The following MIOS variants were observed in gnomAD, a reference collection of about 807,000 sequenced individuals.
The protein encoded by MIOS is meiosis regulator for oocyte development.
Under a neutral mutation model 96.9 loss-of-function variants are expected in MIOS, and 52 were observed. The observed-to-expected ratio is 0.54, with a 90% CI of 0.43 to 0.68. The LOEUF (loss-of-function observed/expected upper bound fraction) is 0.68. Among genes scored for constraint, MIOS ranks in the 30% least tolerant of loss-of-function variants. MIOS has a pLI of 0.00. For synonymous variants in MIOS, 397 were observed against 359.5 expected (o/e 1.10, Z -1.18); for missense variants, 1,005 against 1,052.8 (o/e 0.95, Z 0.63).
chr7:7,596,360 CAACGAAATCT>C lies in MIOS; in HGVS notation c.2303_2312del (p.Thr768LysfsTer41), dbSNP rs1429950970. The stretch of plus-strand genomic sequence containing the variant: ...AGTCAGTATGGTGTGAGTGGCTCAC[CAACGAAATCT>C]AAAGTCACAAGTTGTCCTGGCTGTC... On this transcript the variant is annotated frameshift_variant, in exon 11 of 13. Coordinates refer to ENST00000340080, the MANE Select transcript of MIOS (RefSeq NM_019005.4). 1 of 1,614,110 alleles carries C rather than the reference CAACGAAATCT, an allele frequency of 6.2e-7. No homozygotes were observed. Among genetic ancestry groups the C allele is most frequent in the Non-Finnish European group, 8.5e-7 (1 of 1,180,012 alleles).
At chr7:7,595,255 T>C in intron 10 of MIOS, 123 bp downstream of exon 10, 1 of 1,068,352 alleles carries the variant, frequency 9.4e-7, no homozygotes, top group South Asian at 1.7e-5. Flanking sequence ...TTTTGTAGAC[T>C]GAACTTTGTC....
chr7:7,605,928 T>G lies in MIOS; in HGVS notation c.2402-14T>G, dbSNP rs750460313. 6.2e-7 allele frequency: 1 copy of G among 1,609,732 alleles called. No homozygotes were observed. Among genetic ancestry groups the G allele is most frequent in the Non-Finnish European group, 8.5e-7 (1 of 1,177,370 alleles). ...TATGATATAGTTAATGAAGATCATT[T>G]TATTTTGTCATAGGAGGAACCAAAT... On this transcript the variant is annotated splice_polypyrimidine_tract_variant and intron_variant, in intron 11 of 12. Coordinates refer to ENST00000340080, the MANE Select transcript of MIOS (RefSeq NM_019005.4).
At chr7:7,586,765 TA>T (rs1269393631) in intron 7 of MIOS, among the ~76,000 whole-genome samples, 9 of 152,194 alleles carry the variant, frequency 5.9e-5, no homozygotes, top group Admixed American at 5.9e-4. Flanking sequence ...CGTATAATGT[TA>T]GGACTTTATT....
chr7:7,592,576 G>A (rs1420104642), intron 9 of MIOS, among the ~76,000 whole-genome samples: 1 of 151,892 alleles, frequency 6.6e-6, no homozygotes, highest in Non-Finnish European at 1.5e-5. Flanking sequence ...AGAATCAGTG[G>A]GAGCTCTGAG....
chr7:7,586,988 C>CTTTTTTTTTTT (rs71988879), intron 7 of MIOS, among the ~76,000 whole-genome samples: 1 of 123,052 alleles, frequency 8.1e-6, no homozygotes, highest in African/African-American at 3.0e-5. Context: ...TTTTCTTTCC[C>CTTTTTTTTTTT]TTTTTTTTTT....
intron 9 of MIOS, among the ~76,000 whole-genome samples, chr7:7,591,330 C>T (rs1195601118): frequency 7.0e-6 from 1 of 143,178 alleles, no homozygotes; most frequent in Non-Finnish European, 1.5e-5. Flanking sequence ...GGGTCTCGCT[C>T]TCTCACCCAG....
intron 9 of MIOS, among the ~76,000 whole-genome samples, chr7:7,592,005 G>C (rs56806536): frequency 0.2 from 30,326 of 148,692 alleles, 3,436 homozygotes; most frequent in African/African-American, 0.3. Flanking sequence ...TTTTAAGACA[G>C]AGTCTTGCTG....
In MIOS at chr7:7,579,164, G is replaced by T. The variant is rs541874435; in HGVS notation, c.1394-3954G>T. 2.0e-5 allele frequency among the ~76,000 whole-genome samples: 3 copies of T among 151,994 alleles called. No individual in the cohort carries two copies. The South Asian group carries it at 6.2e-4, about 32-fold the overall frequency. Reference sequence around the variant, plus strand: ...AACATGCATAAATATATTTTACTTCGTTTTCAGAGATATATTAAAAATTTA... The same window carrying T: ...AACATGCATAAATATATTTTACTTCTTTTTCAGAGATATATTAAAAATTTA... On this transcript the variant is annotated intron_variant, in intron 5 of 12. Coordinates refer to ENST00000340080, the MANE Select transcript of MIOS (RefSeq NM_019005.4).
At chr7:7,583,456 T>G in intron 6 of MIOS, 84 bp downstream of exon 6, 1 of 1,353,864 alleles carries the variant, frequency 7.4e-7, no homozygotes, top group Non-Finnish European at 9.8e-7. Context: ...AGGCTAATAA[T>G]TTTCAAATAT....
At chr7:7,593,304 A>G (rs1415955597) in intron 9 of MIOS, among the ~76,000 whole-genome samples, 3 of 152,176 alleles carry the variant, frequency 2.0e-5, no homozygotes, top group Non-Finnish European at 4.4e-5. Flanking sequence ...TTTTAGCTAA[A>G]TTTAACTCTG....
At chr7:7,596,073 C>A (rs1302363157) in intron 10 of MIOS, among the ~76,000 whole-genome samples, 184 bp from the exon 11 acceptor site, 1 of 151,984 alleles carries the variant, frequency 6.6e-6, no homozygotes, top group Non-Finnish European at 1.5e-5. Context: ...GGAAGTACCC[C>A]AAAAATGTAA....
At chr7:7,571,627 G>A (rs1402585206) in intron 3 of MIOS, among the ~76,000 whole-genome samples, 1 of 152,210 alleles carries the variant, frequency 6.6e-6, no homozygotes, top group African/African-American at 2.4e-5. Context: ...CATGACTGAA[G>A]TTTGGGAAAT....
At chr7:7,597,877 C>A (rs1784263419) in intron 11 of MIOS, among the ~76,000 whole-genome samples, 1 of 152,054 alleles carries the variant, frequency 6.6e-6, no homozygotes, top group South Asian at 2.1e-4. Context: ...GTTGCCCTGG[C>A]TGGTCTTGAA....
intron 9 of MIOS, among the ~76,000 whole-genome samples, chr7:7,594,536 C>G (rs1044650102): frequency 2.0e-5 from 3 of 152,142 alleles, no homozygotes; most frequent in African/African-American, 7.2e-5. Context: ...GTCAAGTGAT[C>G]CGCCTACCTC....
At position 7,571,475 on chromosome 7, in the gene MIOS, A is replaced by AT. The variant is rs781342820; in HGVS notation, c.-40-960dup. 1.9e-3 allele frequency among the ~76,000 whole-genome samples: 295 copies of AT among 152,360 alleles called. 6 individuals are homozygous for AT. The highest frequency in any genetic ancestry group is 1.2e-3 in the Non-Finnish European group (82 of 68,036). ...GATAAAACACAATCAAGCCTTTTTA[A>AT]TAGTTATATATTTCAGTGTAGGTTA... On this transcript the variant is annotated intron_variant, in intron 3 of 12. Transcript: ENST00000340080.
chr7:7,573,715 A>T lies in MIOS; in HGVS notation c.1240A>T (p.Ile414Phe). Residue 414 changes from isoleucine to phenylalanine, a missense_variant, in exon 4 of 13, where the codon ATT becomes TTT. Transcript: ENST00000340080. The surrounding 1 kb of genome is among the most constrained non-coding windows in gnomAD (Gnocchi z 5.0). The part of the protein sequence containing the change: ...LDTEQVWRNH[I>F]LAGNEDPQLK... ...TACAGAGCAGGTGTGGAGGAACCAC[A>T]TTTTAGCTGGAAATGAAGATCCACA... 6.2e-7 allele frequency: 1 copy of T among 1,612,150 alleles called. No homozygotes were observed. The highest frequency in any genetic ancestry group is 1.3e-5 in the African/African-American group (1 of 74,934).
At position 7,573,953 on chromosome 7, in the gene MIOS, A is replaced by G. The variant is rs1394043675; in HGVS notation, c.1295-145A>G. 1.6e-5 allele frequency: 14 copies of G among 877,176 alleles called. No individual in the cohort carries two copies. In the East Asian group the frequency reaches 3.5e-4, roughly 22 times the overall value. 54.3% of individuals were successfully genotyped at this position (877,176 alleles called of 1,614,324 possible). A position where few individuals can be genotyped will look rare whatever the true frequency, so the allele number is the denominator to read the frequency against. On this transcript the variant is annotated intron_variant, in intron 4 of 12. Coordinates refer to ENST00000340080, the MANE Select transcript of MIOS (RefSeq NM_019005.4). This position sits in a 1 kb window ranked among gnomAD's most constrained non-coding sequence, Gnocchi z 5.0. Reference sequence around the variant, plus strand: ...TGAAATACTGCTTTGTAGATTGTGTAGGAGGAAGAAAAGTGTATCTCTGCA... The same window carrying G: ...TGAAATACTGCTTTGTAGATTGTGTGGGAGGAAGAAAAGTGTATCTCTGCA...
Position 7,574,149 on chromosome 7 carries a change from GATC to G in MIOS, c.1349_1351del (p.Ser450del), listed in dbSNP as rs1182281886. 6.2e-7 allele frequency: 1 copy of G among 1,610,950 alleles called. No individual in the cohort carries two copies. The highest frequency in any genetic ancestry group is 1.1e-5 in the South Asian group (1 of 90,682). On this transcript the variant is annotated inframe_deletion, in exon 5 of 13. Transcript: ENST00000340080. ...GATCAGAAATCTCCAGGCAACAAAG[GATC>G]ATTGGTTTATGCAGGAATTAAATCA...
At chr7:7,590,265 T>C (rs921896857) in intron 9 of MIOS, among the ~76,000 whole-genome samples, 6 of 152,150 alleles carry the variant, frequency 3.9e-5, no homozygotes, top group Non-Finnish European at 8.8e-5. Context: ...CACCTTCTTG[T>C]GCATATATAG....
Sources: gnomAD v4.1 joint callset for allele counts (sites outside exome capture counted in the v4.1 genomes callset) on GRCh38, gnomAD v4.1.1 for gene constraint, Gnocchi (gnomAD v3.1) non-coding constraint, MANE v1.5 for transcripts, NCBI Gene and HGNC (gene_info 2026-07-23, HGNC 2026-07-21) for gene names.